Variants in DNMT1 observed in about 807,000 individuals in gnomAD.
The protein encoded by DNMT1 is DNA (cytosine-5)-methyltransferase 1.
A neutral mutation model predicts 205.3 loss-of-function variants in DNMT1; 24 were observed. The observed-to-expected ratio is 0.12, with a 90% CI of 0.08 to 0.16. The LOEUF (loss-of-function observed/expected upper bound fraction) is 0.16. DNMT1 is among the 10% of genes least tolerant of loss of function. The pLI, the probability that DNMT1 is intolerant of heterozygous loss-of-function variation, is 1.00. For missense variants in DNMT1, 1,293 were observed against 2,177.7 expected (o/e 0.59, Z 8.09); for synonymous variants, 817 against 839.8 (o/e 0.97, Z 0.47).
At chr19:10,187,916 G>C (rs1366448367) in intron 1 of DNMT1, among the ~76,000 whole-genome samples, 1 of 151,406 alleles carries the variant, frequency 6.6e-6, no homozygotes, top group African/African-American at 2.4e-5. Flanking sequence ...GCCAAAGCGG[G>C]AGGATCAATA....
At chr19:10,150,104 A>G in intron 24 of DNMT1, 136 bp from the exon 25 acceptor site, 1 of 784,728 alleles carries the variant, frequency 1.3e-6, no homozygotes, top group Non-Finnish European at 2.2e-6. Context: ...GCTGCTAAAG[A>G]GAACATCCTG....
intron 9 of DNMT1, among the ~76,000 whole-genome samples, chr19:10,171,450 C>T (rs1320755310): frequency 1.3e-5 from 2 of 151,762 alleles, no homozygotes; most frequent in Non-Finnish European, 2.9e-5. Context: ...GCAGGTGGAC[C>T]GTTCGAGGTC....
Position 10,137,171 on chromosome 19 carries a change from G to C in DNMT1, c.4403C>G (p.Ala1468Gly). Reference sequence around the variant, plus strand: ...ATGGTGGGTATACCGCAGCTTCCTGGCCATGGTGCCGTCTGAGAGCCGCAC... The same window carrying C: ...ATGGTGGGTATACCGCAGCTTCCTGCCCATGGTGCCGTCTGAGAGCCGCAC... ...IEVRLSDGTM[A>G]RKLRYTHHDR... is the part of the protein sequence containing the mutation. The change falls in exon 37 of 41, where the codon GCC becomes GGC. Residue 1468 changes from alanine to glycine, a missense_variant. Ala to Gly is a moderately conservative substitution (Grantham distance 60, BLOSUM62 0). Around this residue, in one of 13 missense-constraint regions of DNMT1, gnomAD observed 148 missense variants for 256.1 expected, o/e 0.58. Coordinates refer to ENST00000359526, the MANE Select transcript of DNMT1 (RefSeq NM_001130823.3). The surrounding 1 kb of genome is among the most constrained non-coding windows in gnomAD (Gnocchi z 6.4). The C allele has an allele frequency of 6.2e-7, 1 of 1,609,972 alleles. No homozygotes were observed. The highest frequency in any genetic ancestry group is 8.5e-7 in the Non-Finnish European group (1 of 1,178,852).
At chr19:10,177,233 T>C in intron 6 of DNMT1, 59 bp downstream of exon 6, 2 of 1,526,412 alleles carry the variant, frequency 1.3e-6, no homozygotes, top group Non-Finnish European at 9.1e-7. Flanking sequence ...GCCCTACCAA[T>C]TCCATCCCAA....
At chr19:10,166,087 G>T (rs964554233) in intron 11 of DNMT1, among the ~76,000 whole-genome samples, 3 of 152,106 alleles carry the variant, frequency 2.0e-5, no homozygotes, top group Non-Finnish European at 4.4e-5. Context: ...TCATGCAGGA[G>T]GGCCTGCAGG....
intron 1 of DNMT1, among the ~76,000 whole-genome samples, chr19:10,188,905 T>A (rs2039246388): frequency 6.6e-6 from 1 of 152,122 alleles, no homozygotes; most frequent in Admixed American, 6.6e-5. Context: ...GTCTTACAAC[T>A]ACCACCTTCT....
chr19:10,145,521 G>C (rs1486523822), intron 28 of DNMT1, among the ~76,000 whole-genome samples: 1 of 152,236 alleles, frequency 6.6e-6, no homozygotes, highest in South Asian at 2.1e-4. Context: ...AAAAAACACA[G>C]AATGGATCAG....
chr19:10,177,707 A>C (rs1225152270), intron 5 of DNMT1, among the ~76,000 whole-genome samples: 1 of 152,106 alleles, frequency 6.6e-6, no homozygotes, highest in East Asian at 1.9e-4. Flanking sequence ...GAGGTGGGAA[A>C]ATAATCCAAG....
Position 10,159,191 on chromosome 19 carries a change from C to G in DNMT1, c.1280+467G>C, listed in dbSNP as rs1371189265. Among the ~76,000 whole-genome samples, 1 of 152,152 alleles carries G rather than the reference C, an allele frequency of 6.6e-6. No individual in the cohort carries two copies. Among genetic ancestry groups the G allele is most frequent in the Non-Finnish European group, 1.5e-5 (1 of 68,028 alleles). On this transcript the variant is annotated intron_variant, in intron 17 of 40. Coordinates refer to ENST00000359526, the MANE Select transcript of DNMT1 (RefSeq NM_001130823.3). This position sits in a 1 kb window ranked among gnomAD's most constrained non-coding sequence, Gnocchi z 5.0. Reference sequence around the variant, plus strand: ...ACCCAAAAACCAAACCAAAAATCAGCAAAGCTCTATTGTCCCTTCATCAGC... The same window carrying G: ...ACCCAAAAACCAAACCAAAAATCAGGAAAGCTCTATTGTCCCTTCATCAGC...
Position 10,156,435 on chromosome 19 carries a change from G to A in DNMT1, c.1355C>T (p.Ser452Phe). 6.2e-7 allele frequency: 1 copy of A among 1,613,096 alleles called. No individual in the cohort carries two copies. Among genetic ancestry groups the A allele is most frequent in the Non-Finnish European group, 8.5e-7 (1 of 1,179,430 alleles). ...ATCATAGATTGGTTTTGCTGAACCA[G>A]AAAAGAAGAGTTCGATATTCTTCTC... ...LIEKNIELFF[S>F]GSAKPIYDDD... The change falls in exon 18 of 41, where the codon TCT becomes TTT. Residue 452 changes from serine (S) to phenylalanine (F), a missense_variant. Physicochemically the swap from Ser to Phe is radical, Grantham distance 155 (BLOSUM62 -2). Around this residue, in one of 13 missense-constraint regions of DNMT1, gnomAD observed 120 missense variants for 315.9 expected, o/e 0.38. Transcript: ENST00000359526. The surrounding 1 kb of genome is among the most constrained non-coding windows in gnomAD (Gnocchi z 4.2).
In DNMT1 at chr19:10,159,850, G is replaced by C. The variant is rs776120784; in HGVS notation, c.1162C>G (p.Pro388Ala). 1 of 1,614,246 alleles carries C rather than the reference G, an allele frequency of 6.2e-7. No individual in the cohort carries two copies. The highest frequency in any genetic ancestry group is 1.7e-5 in the Admixed American group (1 of 60,028). ...AAGAGAGCTGTACGTACCGCGTCTG[G>C]TGGGTGCTGCCCATATTTGAGGTCA... ...DPDLKYGQHP[P>A]DAVDEPQMLT... Residue 388 changes from proline to alanine, a missense_variant, in exon 16 of 41, where the codon CCA becomes GCA. Transcript: ENST00000359526. This position sits in a 1 kb window ranked among gnomAD's most constrained non-coding sequence, Gnocchi z 5.0.
At chr19:10,171,879 C>T (rs987139206) in intron 9 of DNMT1, among the ~76,000 whole-genome samples, 14 of 151,494 alleles carry the variant, frequency 9.2e-5, no homozygotes, top group African/African-American at 3.2e-4. Context: ...TGGTGGCAGG[C>T]GCCTGTAGCC....
chr19:10,163,172 G>A lies in DNMT1; in HGVS notation c.926+154C>T, dbSNP rs543448992. On this transcript the variant is annotated intron_variant, in intron 12 of 40. Coordinates refer to ENST00000359526, the MANE Select transcript of DNMT1 (RefSeq NM_001130823.3). ...AGACAGGGTTCCACCATGTTGGCCAGGCTAGGCTGGTCTCGAACTCCTGAC... is the reference window on the plus strand; with the variant it reads ...AGACAGGGTTCCACCATGTTGGCCAAGCTAGGCTGGTCTCGAACTCCTGAC... Among the ~76,000 whole-genome samples, 3 of 151,950 alleles carry A rather than the reference G, an allele frequency of 2.0e-5. No homozygotes were observed. In the East Asian group the frequency reaches 5.8e-4, roughly 29 times the overall value.
chr19:10,188,712 A>G (rs2039241955), intron 1 of DNMT1, among the ~76,000 whole-genome samples: 1 of 152,182 alleles, frequency 6.6e-6, no homozygotes, highest in East Asian at 1.9e-4. Context: ...TTCAGCCCTT[A>G]AGAACACAGA....
At position 10,138,634 on chromosome 19, in the gene DNMT1, C is replaced by T. The variant is rs753675495; in HGVS notation, c.3949-29G>A. On this transcript the variant is annotated intron_variant, in intron 34 of 40. Transcript: ENST00000359526. The surrounding 1 kb of genome is among the most constrained non-coding windows in gnomAD (Gnocchi z 4.1). ...TGGGGGAGAAGGACGGACAACCCCA[C>T]CGTCAGTGGGACACTCCCAACTGGA... 6.3e-7 allele frequency: 1 copy of T among 1,593,852 alleles called. No individual in the cohort carries two copies. Among genetic ancestry groups the T allele is most frequent in the Admixed American group, 1.7e-5 (1 of 59,304 alleles).
chr19:10,159,360 C>T lies in DNMT1; in HGVS notation c.1280+298G>A, dbSNP rs1406076124. On this transcript the variant is annotated intron_variant, in intron 17 of 40. Transcript: ENST00000359526. This position sits in a 1 kb window ranked among gnomAD's most constrained non-coding sequence, Gnocchi z 5.0. ...CCTCTCGAGTAGTTGGGATTACAGT[C>T]GCGTACCACCACACCTGGCTACTTT... 1.4e-4 allele frequency among the ~76,000 whole-genome samples: 21 copies of T among 152,216 alleles called. No individual in the cohort carries two copies. Among genetic ancestry groups the T allele is most frequent in the Non-Finnish European group, 1.5e-5 (1 of 68,018 alleles).
intron 29 of DNMT1, among the ~76,000 whole-genome samples, chr19:10,143,384 C>CTT (rs542026334): frequency 0.11 from 13,547 of 119,366 alleles, 1,208 homozygotes; most frequent in East Asian, 0.38. Context: ...CCCAGCTAGT[C>CTT]TTTTTTTTTT....
intron 9 of DNMT1, among the ~76,000 whole-genome samples, chr19:10,169,649 C>G (rs2038772074): frequency 6.6e-6 from 1 of 151,974 alleles, no homozygotes. Context: ...GCCTGTAGTC[C>G]CAGTTACTCG....
chr19:10,135,481 T>G (rs1256885045), intron 39 of DNMT1: 1 of 529,760 alleles, frequency 1.9e-6, no homozygotes, highest in Admixed American at 3.1e-5. Flanking sequence ...CCTGCTCCTT[T>G]AGCGCGACGG....
Sources: gnomAD v4.1 joint callset for allele counts (sites outside exome capture counted in the v4.1 genomes callset) on GRCh38, gnomAD v4.1.1 for gene constraint, gnomAD v4.1.1 regional missense constraint, Gnocchi (gnomAD v3.1) non-coding constraint, MANE v1.5 for transcripts, NCBI Gene and HGNC (gene_info 2026-07-23, HGNC 2026-07-21) for gene names.